The following IGSF21 variants were observed in gnomAD, a reference collection of about 807,000 sequenced individuals.
The protein encoded by IGSF21 is immunoglobulin superfamily member 21.
A neutral mutation model predicts 46.8 loss-of-function variants in IGSF21; 28 were observed. That is an observed-to-expected ratio of 0.60 (90% CI 0.44 to 0.82). IGSF21 has a LOEUF of 0.82. Ranked by LOEUF, IGSF21 falls within the 40% of genes least tolerant of loss-of-function variation. The pLI is 0.00. For synonymous variants in IGSF21, 284 were observed against 273.6 expected (o/e 1.04, Z -0.38); for missense variants, 624 against 665.5 (o/e 0.94, Z 0.69).
intron 1 of IGSF21, among the ~76,000 whole-genome samples, chr1:18,169,796 T>C (rs1348415841): frequency 6.6e-6 from 1 of 152,158 alleles, no homozygotes; most frequent in African/African-American, 2.4e-5. Context: ...GGGCTCCTGG[T>C]CCACAGTGTG....
chr1:18,302,463 G>A (rs910871440), intron 3 of IGSF21, among the ~76,000 whole-genome samples: 3 of 152,168 alleles, frequency 2.0e-5, no homozygotes, highest in African/African-American at 7.2e-5. Flanking sequence ...TCCTGTTACT[G>A]AAGGTGGACA....
chr1:18,336,014 C>T (rs958231860), intron 4 of IGSF21, among the ~76,000 whole-genome samples: 3 of 152,136 alleles, frequency 2.0e-5, no homozygotes, highest in African/African-American at 4.8e-5. Context: ...GTTGGCCACA[C>T]CAGGGAACCT....
intron 2 of IGSF21, among the ~76,000 whole-genome samples, chr1:18,239,286 C>T (rs533583478): frequency 6.6e-6 from 1 of 152,248 alleles, no homozygotes; most frequent in Non-Finnish European, 1.5e-5. Flanking sequence ...AGGGATGTTT[C>T]CCAGCTCAGA....
intron 1 of IGSF21, among the ~76,000 whole-genome samples, chr1:18,134,827 G>A (rs1195577156): frequency 6.6e-6 from 1 of 152,230 alleles, no homozygotes; most frequent in Non-Finnish European, 1.5e-5. Flanking sequence ...GCTCAGACCG[G>A]GGCCTCAGTC....
intron 1 of IGSF21, among the ~76,000 whole-genome samples, chr1:18,178,341 C>G (rs1192952894): frequency 6.6e-6 from 1 of 152,182 alleles, no homozygotes; most frequent in Non-Finnish European, 1.5e-5. Context: ...CCCTTGGCCA[C>G]CGAAAGGGAG....
intron 2 of IGSF21, among the ~76,000 whole-genome samples, chr1:18,251,174 C>T (rs2084837712): frequency 6.6e-6 from 1 of 152,134 alleles, no homozygotes; most frequent in Non-Finnish European, 1.5e-5. Flanking sequence ...ACAGGGCTTT[C>T]TCACATTGGG....
Position 18,301,960 on chromosome 1 carries a change from T to C in IGSF21, c.305+9973T>C, listed in dbSNP as rs918246327. On this transcript the variant is annotated intron_variant, in intron 3 of 9. Coordinates refer to ENST00000251296, the MANE Select transcript of IGSF21 (RefSeq NM_032880.5). ...GGCTGGTAGCATCAATTCCATTGAC[T>C]AGAGGAGAAATCTGTTTAACCTAAT... Among the ~76,000 whole-genome samples the C allele has an allele frequency of 2.0e-5, 3 of 152,178 alleles. No individual in the cohort carries two copies. In the East Asian group the frequency reaches 5.8e-4, roughly 29 times the overall value.
chr1:18,245,704 TG>T (rs1476058467), intron 2 of IGSF21, among the ~76,000 whole-genome samples: 6 of 152,260 alleles, frequency 3.9e-5, no homozygotes, highest in South Asian at 2.1e-4. Context: ...GTGCCTACTA[TG>T]TGCCAGGCAC....
intron 1 of IGSF21, among the ~76,000 whole-genome samples, chr1:18,128,991 T>C (rs1426100296): frequency 6.6e-6 from 1 of 152,030 alleles, no homozygotes; most frequent in Non-Finnish European, 1.5e-5. Flanking sequence ...CTGGCAGGCA[T>C]TGGGAGGCAG....
chr1:18,248,657 C>T (rs967734888), intron 2 of IGSF21, among the ~76,000 whole-genome samples: 4 of 152,112 alleles, frequency 2.6e-5, no homozygotes, highest in East Asian at 1.9e-4. Context: ...GCGAGTTCTC[C>T]GGTGCAAGGT....
intron 1 of IGSF21, among the ~76,000 whole-genome samples, chr1:18,182,574 T>C (rs979609253): frequency 1.3e-5 from 2 of 152,218 alleles, no homozygotes; most frequent in African/African-American, 4.8e-5. Flanking sequence ...ACTGGTTCTT[T>C]TCCCTCCTGG....
intron 2 of IGSF21, among the ~76,000 whole-genome samples, chr1:18,254,704 G>T (rs1223925240): frequency 1.3e-5 from 2 of 152,200 alleles, no homozygotes; most frequent in Non-Finnish European, 1.5e-5. Context: ...ATAGGCTGTT[G>T]CCTGTGCCAC....
chr1:18,302,290 C>T (rs1385539867), intron 3 of IGSF21, among the ~76,000 whole-genome samples: 1 of 152,096 alleles, frequency 6.6e-6, no homozygotes, highest in Non-Finnish European at 1.5e-5. Context: ...CCACTTTAGC[C>T]TTCTCCTGCT....
intron 1 of IGSF21, among the ~76,000 whole-genome samples, chr1:18,175,905 GCAGTGCCTGTTCC>G (rs2086790899): frequency 6.6e-6 from 1 of 152,208 alleles, no homozygotes; most frequent in South Asian, 2.1e-4. Context: ...GGAGGAGAGG[GCAGTGCCTGTTCC>G]CTGCTCCTGG....
At chr1:18,283,037 G>C (rs2124557685) in intron 2 of IGSF21, among the ~76,000 whole-genome samples, 1 of 152,288 alleles carries the variant, frequency 6.6e-6, no homozygotes, top group Admixed American at 6.5e-5. Flanking sequence ...TGGGGTCCCA[G>C]CTCACACCAG....
intron 2 of IGSF21, among the ~76,000 whole-genome samples, chr1:18,258,204 C>T (rs1238303340): frequency 6.6e-6 from 1 of 152,146 alleles, no homozygotes; most frequent in Non-Finnish European, 1.5e-5. Context: ...GAAAGGGGTT[C>T]CCTTCTTTGC....
At chr1:18,377,898 G>A (rs879483405) in intron 9 of IGSF21, among the ~76,000 whole-genome samples, 2 of 152,246 alleles carry the variant, frequency 1.3e-5, no homozygotes, top group East Asian at 1.9e-4. Context: ...TCCTCCCTGG[G>A]CATCCCCCAA....
At chr1:18,188,718 T>G (rs2086927293) in intron 1 of IGSF21, among the ~76,000 whole-genome samples, 1 of 152,082 alleles carries the variant, frequency 6.6e-6, no homozygotes, top group Admixed American at 6.5e-5. Context: ...CTCCTCTAGC[T>G]CCCAAGAGGA....
At chr1:18,313,966 G>T (rs924909937) in intron 3 of IGSF21, among the ~76,000 whole-genome samples, 3 of 152,146 alleles carry the variant, frequency 2.0e-5, no homozygotes, top group African/African-American at 7.2e-5. Flanking sequence ...TGAAAATTTG[G>T]CTCTGATCAA....
Sources: allele counts gnomAD v4.1 joint callset (sites outside exome capture counted in the v4.1 genomes callset), GRCh38; gene constraint gnomAD v4.1.1; transcripts MANE v1.5; gene names NCBI Gene and HGNC (gene_info 2026-07-23, HGNC 2026-07-21).